Variants in CHRNA4 observed in about 807,000 individuals in gnomAD.
CHRNA4 encodes cholinergic receptor nicotinic alpha 4 subunit, also known as neuronal acetylcholine receptor subunit alpha-4.
CHRNA4 carries 28 observed loss-of-function variants against 48.9 expected under a neutral mutation model. The observed-to-expected ratio is 0.57, with a 90% confidence interval of 0.42 to 0.79. The LOEUF (loss-of-function observed/expected upper bound fraction) is 0.79. Ranked by LOEUF, CHRNA4 falls within the 30% of genes least tolerant of loss-of-function variation. CHRNA4 has a pLI of 0.00. For synonymous variants in CHRNA4, 425 were observed against 402.3 expected, an observed-to-expected ratio of 1.06 and a Z score of -0.68; for missense variants, 859 against 898.4, an observed-to-expected ratio of 0.96 and a Z score of 0.56.
intron 4 of CHRNA4, chr20:63,355,415 G>A (rs1053058919): frequency 5.4e-5 from 49 of 908,654 alleles, no homozygotes; most frequent in Non-Finnish European, 6.7e-5. Flanking sequence ...GGGACCTGGC[G>A]TGACATGTCC....
intron 4 of CHRNA4, chr20:63,354,542 G>T (rs2068689460): frequency 3.3e-6 from 3 of 921,146 alleles, no homozygotes; most frequent in Non-Finnish European, 3.8e-6. Context: ...CCTGGTGGGG[G>T]CTGCAGTCTT....
chr20:63,347,909 G>A (rs988119182), intron 5 of CHRNA4, among the ~76,000 whole-genome samples: 12 of 152,226 alleles, frequency 7.9e-5, no homozygotes, highest in East Asian at 1.9e-4. Context: ...CAAAACGGCC[G>A]CATTTATCTA....
chr20:63,349,595 G>T, intron 5 of CHRNA4, 58 bp downstream of exon 5: 1 of 1,602,556 alleles, frequency 6.2e-7, no homozygotes, highest in Non-Finnish European at 8.5e-7. Flanking sequence ...GGAAGAAAGG[G>T]CGTCCGCCGG....
In CHRNA4 at chr20:63,344,822, C is replaced by T. The variant is rs199828864; in HGVS notation, c.*1916G>A. 2.7e-5 allele frequency: 12 copies of T among 450,108 alleles called. No individual in the cohort carries two copies. The highest frequency in any genetic ancestry group is 6.2e-5 in the South Asian group (4 of 64,008). 27.9% of individuals were successfully genotyped at this position (450,108 alleles called of 1,614,324 possible). A position where few individuals can be genotyped will look rare whatever the true frequency, so the allele number is the denominator to read the frequency against. ...CTCCCTGCGTCCTGGGAGCTCTGGC[C>T]GAGGAGCAGCAGGGGCTGATGGCAG... On this transcript the variant is annotated 3_prime_UTR_variant, in exon 6 of 6. Transcript: ENST00000370263. This position sits in a 1 kb window ranked among gnomAD's most constrained non-coding sequence, Gnocchi z 4.5.
Position 63,346,081 on chromosome 20 carries a change from G to A in CHRNA4, c.*657C>T, listed in dbSNP as rs1278808950. On this transcript the variant is annotated 3_prime_UTR_variant, in exon 6 of 6. Transcript: ENST00000370263. ...TCCCGATTCTCCCCACGCGGAACCAGCTCCACAAAACTCTGTTCTCCAAGG... is the reference window on the plus strand; with the variant it reads ...TCCCGATTCTCCCCACGCGGAACCAACTCCACAAAACTCTGTTCTCCAAGG... 4.4e-6 allele frequency: 2 copies of A among 454,094 alleles called. No homozygotes were observed. The highest frequency in any genetic ancestry group is 4.7e-5 in the Admixed American group (2 of 42,576). The allele number at this position is 454,094 out of a possible 1,614,324, so 28.1% of individuals were successfully genotyped here. A position where few individuals can be genotyped will look rare whatever the true frequency, so the allele number is the denominator to read the frequency against.
At chr20:63,348,365 TC>T (rs1438802567) in intron 5 of CHRNA4, among the ~76,000 whole-genome samples, 5 of 152,326 alleles carry the variant, frequency 3.3e-5, no homozygotes, top group East Asian at 1.9e-4. Flanking sequence ...TCCAGGCTGC[TC>T]TCGTGACCCC....
chr20:63,345,872 G>A lies in CHRNA4; in HGVS notation c.*866C>T. 2.2e-6 allele frequency: 1 copy of A among 453,096 alleles called. No homozygotes were observed. The highest frequency in any genetic ancestry group is 4.4e-6 in the Non-Finnish European group (1 of 226,056). The allele number at this position is 453,096 out of a possible 1,614,324, so 28.1% of individuals were successfully genotyped here. On this transcript the variant is annotated 3_prime_UTR_variant, in exon 6 of 6. Transcript: ENST00000370263. The surrounding 1 kb of genome is among the most constrained non-coding windows in gnomAD (Gnocchi z 5.4). ...CCATTCGGGACCTTCCCAGCTCCGG[G>A]GAATCACAACACAGAAGTACCCCAG...
In CHRNA4 at chr20:63,356,942, G is replaced by A. The variant is rs138239357; in HGVS notation, c.229-527C>T. On this transcript the variant is annotated intron_variant, in intron 2 of 5. Coordinates refer to ENST00000370263, the MANE Select transcript of CHRNA4 (RefSeq NM_000744.7). ...TGGGCCACTCACCCCAGCCCCTTCC[G>A]ACCCACCCCACCCACCTCCTTCCAC... 3.2e-3 allele frequency among the ~76,000 whole-genome samples: 463 copies of A among 144,650 alleles called. 1 individual carries two copies. Among genetic ancestry groups the A allele is most frequent in the South Asian group, 5.7e-3 (26 of 4,598 alleles). The allele number at this position is 144,650 out of a possible 152,430, so 94.9% of individuals were successfully genotyped here.
In CHRNA4 at chr20:63,346,288, G is replaced by A. The variant is rs4809293; in HGVS notation, c.*450C>T. 13,521 of 453,714 alleles carry A rather than the reference G, an allele frequency of 0.03. 316 individuals are homozygous for A. The highest frequency in any genetic ancestry group is 0.038 in the Non-Finnish European group (8,699 of 226,472). 28.1% of individuals were successfully genotyped at this position (453,714 alleles called of 1,614,324 possible). ...GCCCACACAGGCGCAGGACACGGTG[G>A]GTGGGAGAGGCGGCCGGGCCTCCAG... is the stretch of plus-strand genomic sequence containing the variant. On this transcript the variant is annotated 3_prime_UTR_variant, in exon 6 of 6. Transcript: ENST00000370263.
At chr20:63,352,917 GA>G (rs2068637962) in intron 4 of CHRNA4, among the ~76,000 whole-genome samples, 1 of 152,128 alleles carries the variant, frequency 6.6e-6, no homozygotes, top group African/African-American at 2.4e-5. Flanking sequence ...GCCCTCTGGG[GA>G]GCCTTTGAGG....
In CHRNA4 at chr20:63,346,807, C is replaced by T. The variant is rs774394637; in HGVS notation, c.1815G>A (p.Met605Ile). The T allele has an allele frequency of 2.8e-5, 45 of 1,612,612 alleles. No individual in the cohort carries two copies. Among genetic ancestry groups the T allele is most frequent in the Non-Finnish European group, 2.9e-5 (34 of 1,179,708 alleles). Residue 605 changes from methionine to isoleucine, a missense_variant, in exon 6 of 6, where the codon ATG (methionine) becomes ATA (isoleucine). This residue lies in a region of CHRNA4 where 478 missense variants were observed against 455.4 expected (regional missense o/e 1.05). Transcript: ENST00000370263. ...AMVIDRIFLW[M>I]FIIVCLLGTV... ...TCCCCAGCAGGCAGACGATGATGAACATCCAGAGGAAGATGCGGTCGATGA... is the reference window on the plus strand; with the variant it reads ...TCCCCAGCAGGCAGACGATGATGAATATCCAGAGGAAGATGCGGTCGATGA...
At position 63,360,607 on chromosome 20, in the gene CHRNA4, CT is replaced by C. The variant is rs200502085; in HGVS notation, c.76+482del. Among the ~76,000 whole-genome samples the C allele has an allele frequency of 9.9e-3, 1,510 of 152,286 alleles. 32 individuals are homozygous for C. Among genetic ancestry groups the C allele is most frequent in the African/African-American group, 0.035 (1,450 of 41,554 alleles). On this transcript the variant is annotated intron_variant, in intron 1 of 5. Transcript: ENST00000370263. ...AGGGGGAGGGGTCAGTTCTACACCC[CT>C]GGGAGCCTTGACTCCCAGCCCAGAG...
At chr20:63,355,887 T>C in intron 4 of CHRNA4, 88 bp downstream of exon 4, 1 of 1,548,046 alleles carries the variant, frequency 6.5e-7, no homozygotes, top group Non-Finnish European at 8.8e-7. Context: ...TGGGCCTTGG[T>C]GGAGCTCCCT....
Position 63,350,907 on chromosome 20 carries a change from G to A in CHRNA4, c.504C>T (p.Phe168=), listed in dbSNP as rs121912246. 1.2e-6 allele frequency: 2 copies of A among 1,613,908 alleles called. No individual in the cohort carries two copies. Among genetic ancestry groups the A allele is most frequent in the African/African-American group, 1.3e-5 (1 of 74,894 alleles). Residue 168 remains phenylalanine, a synonymous_variant, in exon 5 of 6, where the codon TTC becomes TTT. Coordinates refer to ENST00000370263, the MANE Select transcript of CHRNA4 (RefSeq NM_000744.7). The part of the protein sequence containing the change: ...KSSCSIDVTF[F]PFDQQNCTMK... ...TGGTGCAGTTCTGCTGGTCGAAGGG[G>A]AAGAAGGTGACGTCGATGCTGCAGG...
intron 4 of CHRNA4, 134 bp from the exon 5 acceptor site, chr20:63,351,161 ATCCAC>A (rs2068597478): frequency 3.1e-6 from 2 of 653,410 alleles, no homozygotes; most frequent in Non-Finnish European, 2.4e-6. Context: ...CCACGCCCAC[ATCCAC>A]GTCCACGCCC....
chr20:63,358,714 AC>A lies in CHRNA4; in HGVS notation c.228+833del, dbSNP rs139025094. On this transcript the variant is annotated intron_variant, in intron 2 of 5. Coordinates refer to ENST00000370263, the MANE Select transcript of CHRNA4 (RefSeq NM_000744.7). The stretch of plus-strand genomic sequence containing the variant: ...CATGGTGGCAGCCCCCAGGCTATGC[AC>A]CCCCACCCAGCCAGGTACCCTGAGG... Among the ~76,000 whole-genome samples, 25 of 151,888 alleles carry A rather than the reference AC, an allele frequency of 1.6e-4. No individual in the cohort carries two copies. The East Asian group carries it at 4.1e-3, about 25-fold the overall frequency.
chr20:63,349,766 G>T lies in CHRNA4; in HGVS notation c.1645C>A (p.Arg549Ser). The T allele has an allele frequency of 6.2e-7, 1 of 1,611,498 alleles. No individual in the cohort carries two copies. Among genetic ancestry groups the T allele is most frequent in the Non-Finnish European group, 8.5e-7 (1 of 1,179,010 alleles). The part of the protein sequence containing the change: ...SVSPSATVKT[R>S]STKAPPPHLP... ...TGCGGGGGCGGCGCTTTGGTGCTGCGGGTCTTGACCGTGGCGCTCGGGGAC... is the reference window on the plus strand; with the variant it reads ...TGCGGGGGCGGCGCTTTGGTGCTGCTGGTCTTGACCGTGGCGCTCGGGGAC... The change falls in exon 5 of 6, where the codon CGC becomes AGC. Residue 549 changes from arginine (R) to serine (S), a missense_variant. Arg to Ser is a moderately radical substitution (Grantham distance 110). Coordinates refer to ENST00000370263, the MANE Select transcript of CHRNA4 (RefSeq NM_000744.7).
chr20:63,346,511 T>G lies in CHRNA4; in HGVS notation c.*227A>C. 1.4e-6 allele frequency: 1 copy of G among 708,792 alleles called. No individual in the cohort carries two copies. Among genetic ancestry groups the G allele is most frequent in the Non-Finnish European group, 2.5e-6 (1 of 398,728 alleles). 43.9% of individuals were successfully genotyped at this position (708,792 alleles called of 1,614,324 possible). A position where few individuals can be genotyped will look rare whatever the true frequency, so the allele number is the denominator to read the frequency against. On this transcript the variant is annotated 3_prime_UTR_variant, in exon 6 of 6. Transcript: ENST00000370263. ...GACCCCCACCTCTGCTCCAAGCCAC[T>G]GCCTCCTGAGGCCACAGTCCAACTG...
At position 63,349,786 on chromosome 20, in the gene CHRNA4, G is replaced by A. The variant is rs121912281; in HGVS notation, c.1625C>T (p.Pro542Leu). 2.1e-5 allele frequency: 33 copies of A among 1,608,824 alleles called. No homozygotes were observed. Among genetic ancestry groups the A allele is most frequent in the African/African-American group, 8.0e-5 (6 of 74,804 alleles). ...TCKKEPSSVS[P>L]SATVKTRSTK... ...GCTGCGGGTCTTGACCGTGGCGCTCGGGGACACCGAAGAGGGCTCCTTCTT... is the reference window on the plus strand; with the variant it reads ...GCTGCGGGTCTTGACCGTGGCGCTCAGGGACACCGAAGAGGGCTCCTTCTT... Residue 542 changes from proline (P) to leucine (L), a missense_variant, in exon 5 of 6, where the codon CCG (proline) becomes CTG (leucine). By Grantham distance (98) the Pro-to-Leu change is moderately conservative. Transcript: ENST00000370263.
Sources: allele counts gnomAD v4.1 joint callset (sites outside exome capture counted in the v4.1 genomes callset), GRCh38; gene constraint gnomAD v4.1.1; regional missense constraint gnomAD v4.1.1; non-coding constraint Gnocchi (gnomAD v3.1); transcripts MANE v1.5; gene names NCBI Gene and HGNC (gene_info 2026-07-23, HGNC 2026-07-21).